Variants in ANK2 observed in about 807,000 individuals in gnomAD.
ANK2 encodes the protein ankyrin 2.
ANK2 carries 83 observed loss-of-function variants against 360.5 expected under a neutral mutation model. The observed-to-expected ratio is 0.23, with a 90% CI of 0.19 to 0.28. The LOEUF (loss-of-function observed/expected upper bound fraction) is 0.28. Ranked by LOEUF, ANK2 falls within the 10% of genes least tolerant of loss-of-function variation. The probability of loss-of-function intolerance (pLI) is 1.00; values close to 1 mark genes in which losing one functional copy is unlikely to be tolerated. For missense variants in ANK2, 4,201 were observed against 4,795.7 expected (o/e 0.88, Z 3.66); for synonymous variants, 1,740 against 1,759.5 (o/e 0.99, Z 0.28).
At chr4:113,102,714 C>T (rs940056668) in intron 1 of ANK2, among the ~76,000 whole-genome samples, 1 of 152,128 alleles carries the variant, frequency 6.6e-6, no homozygotes, top group Non-Finnish European at 1.5e-5. Flanking sequence ...TGAGGACTGT[C>T]AAATCTCTAT....
At chr4:112,893,007 A>C (rs1045353954) in intron 1 of ANK2, among the ~76,000 whole-genome samples, 6 of 152,166 alleles carry the variant, frequency 3.9e-5, no homozygotes, top group Non-Finnish European at 8.8e-5. Flanking sequence ...TTTCAACTAT[A>C]TTTCAGATAA....
intron 1 of ANK2, among the ~76,000 whole-genome samples, chr4:112,878,940 A>G (rs1030605369): frequency 2.0e-5 from 3 of 152,110 alleles, no homozygotes; most frequent in Non-Finnish European, 4.4e-5. Context: ...CTTATTTTTA[A>G]TGGTATATCT....
chr4:113,117,931 T>C (rs536830597), intron 1 of ANK2, among the ~76,000 whole-genome samples: 1 of 152,334 alleles, frequency 6.6e-6, no homozygotes, highest in South Asian at 2.1e-4. Flanking sequence ...TTTTCACTTC[T>C]TAGTGAAGCT....
intron 1 of ANK2, among the ~76,000 whole-genome samples, chr4:113,101,280 A>G (rs1417492157): frequency 2.0e-5 from 3 of 152,210 alleles, no homozygotes; most frequent in Admixed American, 6.5e-5. Flanking sequence ...TTTTACATAC[A>G]TGAATGAATT....
At chr4:113,050,697 T>C (rs1168116323) in intron 1 of ANK2, among the ~76,000 whole-genome samples, 1 of 152,148 alleles carries the variant, frequency 6.6e-6, no homozygotes, top group Non-Finnish European at 1.5e-5. Context: ...GGAGCAATAA[T>C]ATGGGCAGGA....
the ANK2 span, among the ~76,000 whole-genome samples, chr4:112,726,717 G>C: frequency 6.6e-6 from 1 of 152,008 alleles, no homozygotes; most frequent in African/African-American, 2.4e-5. Context: ...CGGGTGTAGT[G>C]GTGGGTGCCT....
chr4:113,381,756 G>T lies in ANK2; in HGVS notation c.*285G>T. The T allele has an allele frequency of 8.9e-7, 1 of 1,117,816 alleles. No individual in the cohort carries two copies. Among genetic ancestry groups the T allele is most frequent in the South Asian group, 1.5e-5 (1 of 67,974 alleles). The allele number at this position is 1,117,816 out of a possible 1,614,324, so 69.2% of individuals were successfully genotyped here. A position where few individuals can be genotyped will look rare whatever the true frequency, so the allele number is the denominator to read the frequency against. ...AATGGGATACCCCGACATTTCCACT[G>T]TTAGCAAATATACGGCATTTTGCTT... is the stretch of plus-strand genomic sequence containing the variant. On this transcript the variant is annotated 3_prime_UTR_variant, in exon 46 of 46. Coordinates refer to ENST00000357077, the MANE Select transcript of ANK2 (RefSeq NM_001148.6).
At chr4:113,102,476 G>A (rs563751288) in intron 1 of ANK2, among the ~76,000 whole-genome samples, 4 of 152,234 alleles carry the variant, frequency 2.6e-5, no homozygotes, top group African/African-American at 9.6e-5. Context: ...CACCATGGGA[G>A]CAGATGCTGC....
chr4:113,123,709 G>A (rs1379739092), intron 1 of ANK2, among the ~76,000 whole-genome samples: 2 of 152,082 alleles, frequency 1.3e-5, no homozygotes, highest in African/African-American at 4.8e-5. Context: ...TAGACTGGAA[G>A]GGAAAAGAGA....
At chr4:113,020,381 A>T (rs899038171) in intron 2 of ANK2, among the ~76,000 whole-genome samples, 4 of 151,988 alleles carry the variant, frequency 2.6e-5, no homozygotes, top group African/African-American at 9.7e-5. Context: ...TTTTTTGTAG[A>T]GACAGGGTCT....
chr4:113,292,232 T>G (rs2068062855), intron 20 of ANK2, among the ~76,000 whole-genome samples, 184 bp from the exon 21 acceptor site: 1 of 152,226 alleles, frequency 6.6e-6, no homozygotes, highest in Admixed American at 6.5e-5. Context: ...TCTCTTTGCT[T>G]AGCAGACCAT....
chr4:113,140,478 T>C (rs1338222053), intron 1 of ANK2, among the ~76,000 whole-genome samples: 1 of 152,140 alleles, frequency 6.6e-6, no homozygotes, highest in Non-Finnish European at 1.5e-5. Flanking sequence ...GTTAGGATAG[T>C]TTTTTTGCAC....
chr4:113,143,363 G>A (rs191528094), intron 1 of ANK2, among the ~76,000 whole-genome samples: 58 of 50,556 alleles, frequency 1.1e-3, no homozygotes, highest in Admixed American at 7.4e-4. Flanking sequence ...AGCTGTTAAA[G>A]CACAGCAAAA....
chr4:113,210,518 C>T (rs1279157278), intron 4 of ANK2, among the ~76,000 whole-genome samples: 1 of 152,162 alleles, frequency 6.6e-6, no homozygotes, highest in African/African-American at 2.4e-5. Flanking sequence ...TTCAGTTTAG[C>T]ACTGGTTAGA....
chr4:112,916,528 G>A (rs138891394), intron 2 of ANK2, among the ~76,000 whole-genome samples: 2,537 of 152,282 alleles, frequency 0.017, 35 homozygotes, highest in Middle Eastern at 0.027. Flanking sequence ...ACATATTTAA[G>A]TATTTCAATG....
chr4:113,348,850 T>G (rs1339184831), intron 36 of ANK2, among the ~76,000 whole-genome samples: 2 of 152,126 alleles, frequency 1.3e-5, no homozygotes, highest in African/African-American at 4.8e-5. Context: ...AATATGGATA[T>G]CTATTTATAC....
At chr4:112,769,260 G>A in the ANK2 span, among the ~76,000 whole-genome samples, 4 of 152,292 alleles carry the variant, frequency 2.6e-5, no homozygotes, top group South Asian at 2.1e-4. Context: ...AAAAGAGATT[G>A]GAAAGACTCA....
At chr4:113,225,892 T>A (rs1036655595) in intron 4 of ANK2, among the ~76,000 whole-genome samples, 1 of 152,332 alleles carries the variant, frequency 6.6e-6, no homozygotes, top group African/African-American at 2.4e-5. Context: ...TAGGAAGATA[T>A]TTTTGTAATA....
At chr4:113,244,972 T>A (rs1489119650) in intron 9 of ANK2, among the ~76,000 whole-genome samples, 1 of 152,172 alleles carries the variant, frequency 6.6e-6, no homozygotes, top group Non-Finnish European at 1.5e-5. Context: ...TGCATAGTAT[T>A]CCATGGTGTA....
Sources: allele counts gnomAD v4.1 joint callset (sites outside exome capture counted in the v4.1 genomes callset), GRCh38; gene constraint gnomAD v4.1.1; transcripts MANE v1.5; gene names NCBI Gene and HGNC (gene_info 2026-07-23, HGNC 2026-07-21).